The following DMD variants were observed in gnomAD, a reference collection of about 807,000 sequenced individuals.
DMD encodes the protein dystrophin.
In DMD, 63 loss-of-function variants were observed where a neutral mutation model predicts 330.1. That is an observed-to-expected ratio of 0.19 (90% CI 0.16 to 0.24). The LOEUF (loss-of-function observed/expected upper bound fraction) is 0.24. DMD is among the 10% of genes least tolerant of loss of function. The pLI is 1.00. For missense variants in DMD, 3,344 were observed against 2,684.1 expected, an observed-to-expected ratio of 1.25 and a Z score of -5.43; for synonymous variants, 1,223 against 959.8, an observed-to-expected ratio of 1.27 and a Z score of -5.07.
At chrX:31,509,824 A>G (rs759994378) in intron 55 of DMD, among the ~76,000 whole-genome samples, 3 of 112,345 alleles carry the variant, frequency 2.7e-5, no homozygotes, top group Non-Finnish European at 5.6e-5. Flanking sequence ...TAGTTTTAGC[A>G]CTTTGGGAAA....
chrX:32,317,193 T>C (rs1259716346), intron 41 of DMD, among the ~76,000 whole-genome samples: 1 of 111,600 alleles, frequency 9.0e-6, no homozygotes. Context: ...ATTCATTTTA[T>C]TTCTTTGTGT....
At chrX:31,674,586 G>A (rs886130639) in intron 53 of DMD, among the ~76,000 whole-genome samples, 10 of 111,963 alleles carry the variant, frequency 8.9e-5, no homozygotes, top group African/African-American at 3.2e-4. Context: ...ATGCTGTCAC[G>A]TTTGAAAAGC....
intron 56 of DMD, among the ~76,000 whole-genome samples, chrX:31,498,948 C>G (rs563414738): frequency 2.7e-5 from 3 of 111,799 alleles, no homozygotes; most frequent in African/African-American, 6.5e-5. Flanking sequence ...CATGATAAGC[C>G]TAAGCGACAA....
chrX:31,372,223 G>C (rs753501106), intron 60 of DMD, among the ~76,000 whole-genome samples: 1 of 112,030 alleles, frequency 8.9e-6, no homozygotes, highest in Non-Finnish European at 1.9e-5. Flanking sequence ...ACTGGCAAAA[G>C]TAGTGTTCTT....
chrX:32,310,637 T>C (rs1170435250), intron 41 of DMD, among the ~76,000 whole-genome samples: 1 of 110,924 alleles, frequency 9.0e-6, no homozygotes, highest in Non-Finnish European at 1.9e-5. Flanking sequence ...TTTAAAATTC[T>C]AATTTTCCTG....
chrX:32,695,034 A>C (rs770368573), intron 9 of DMD, among the ~76,000 whole-genome samples: 1 of 112,344 alleles, frequency 8.9e-6, no homozygotes, highest in South Asian at 3.7e-4. Context: ...ATACTTTCAG[A>C]CACAGATTGT....
chrX:31,864,099 T>A (rs1013037770), intron 48 of DMD, among the ~76,000 whole-genome samples: 1 of 111,218 alleles, frequency 9.0e-6, no homozygotes, highest in Non-Finnish European at 1.9e-5. Context: ...AGAAAATAGA[T>A]GTCATCTTTA....
chrX:32,813,032 C>T (rs1226075925), intron 6 of DMD, among the ~76,000 whole-genome samples: 2 of 110,650 alleles, frequency 1.8e-5, no homozygotes, highest in African/African-American at 3.3e-5. Context: ...CTTATGCATT[C>T]GTGCTGTATT....
intron 75 of DMD, 51 bp from the exon 76 acceptor site, chrX:31,146,465 T>C: frequency 8.6e-7 from 1 of 1,157,332 alleles, no homozygotes; most frequent in Non-Finnish European, 1.2e-6. Flanking sequence ...AACATACAAA[T>C]GTATAAATTT....
At chrX:33,328,794 C>A (rs2054126880) in intron 1 of DMD, among the ~76,000 whole-genome samples, 1 of 111,409 alleles carries the variant, frequency 9.0e-6, no homozygotes, top group African/African-American at 3.3e-5. Context: ...ATGACAATTT[C>A]TCTATAAGTC....
At chrX:32,693,407 A>C (rs1191143641) in intron 9 of DMD, among the ~76,000 whole-genome samples, 1 of 112,047 alleles carries the variant, frequency 8.9e-6, no homozygotes, top group Non-Finnish European at 1.9e-5. Flanking sequence ...GGTTAATTTA[A>C]AAGAAGTATG....
rs183396240 is a variant in DMD at position 32,848,891 on chromosome X, G to A, written c.186+837C>T. ...TATACCGAGAAAAGAGTGGCTTAGC[G>A]TTAAGTGTTACAGGAGGCAGGCTGG... On this transcript the variant is annotated intron_variant, in intron 3 of 78. Coordinates refer to ENST00000357033, the MANE Select transcript of DMD (RefSeq NM_004006.3). 1.2e-3 allele frequency among the ~76,000 whole-genome samples: 129 copies of A among 110,852 alleles called. 1 individual carries two copies. Among genetic ancestry groups the A allele is most frequent in the Middle Eastern group, 9.2e-3 (2 of 217 alleles).
At chrX:32,770,841 T>C (rs774405032) in intron 7 of DMD, among the ~76,000 whole-genome samples, 24 of 111,762 alleles carry the variant, frequency 2.1e-4, no homozygotes, top group Non-Finnish European at 4.0e-4. Flanking sequence ...GCAAGTCCTA[T>C]AAAGAAAAAT....
At chrX:32,320,591 A>T (rs1479229046) in intron 41 of DMD, among the ~76,000 whole-genome samples, 1 of 111,269 alleles carries the variant, frequency 9.0e-6, no homozygotes, top group Non-Finnish European at 1.9e-5. Flanking sequence ...TTATTTATAG[A>T]AAAGGTTAAT....
intron 74 of DMD, among the ~76,000 whole-genome samples, chrX:31,164,473 A>G (rs1226015132): frequency 9.0e-6 from 1 of 111,589 alleles, no homozygotes; most frequent in Non-Finnish European, 1.9e-5. Context: ...CCAGCTGCAA[A>G]TAACTACTAT....
chrX:31,963,569 A>G (rs1198636902), intron 45 of DMD, among the ~76,000 whole-genome samples: 2 of 110,949 alleles, frequency 1.8e-5, no homozygotes, highest in Non-Finnish European at 1.9e-5. Context: ...AGGGGCTACT[A>G]CCCAGATGTA....
intron 50 of DMD, among the ~76,000 whole-genome samples, chrX:31,786,583 G>C (rs974620386): frequency 1.8e-5 from 2 of 111,298 alleles, no homozygotes; most frequent in African/African-American, 6.5e-5. Context: ...TCTCTGTAGT[G>C]GATACTGTAA....
chrX:32,544,156 A>G (rs2048747554), intron 17 of DMD, among the ~76,000 whole-genome samples: 1 of 112,164 alleles, frequency 8.9e-6, no homozygotes, highest in Middle Eastern at 4.6e-3. Context: ...AGCCAAGCTG[A>G]CACAACCAGG....
At chrX:32,899,679 AAAAAAAAAAAGAAAG>A (rs1265597436) in intron 2 of DMD, among the ~76,000 whole-genome samples, 7 of 109,959 alleles carry the variant, frequency 6.4e-5, no homozygotes, top group African/African-American at 2.3e-4. Flanking sequence ...GTCTCAAAAA[AAAAAAAAAAAGAAAG>A]AAAAAGAAAA....
Sources: allele counts gnomAD v4.1 joint callset (sites outside exome capture counted in the v4.1 genomes callset), GRCh38; gene constraint gnomAD v4.1.1; transcripts MANE v1.5; gene names NCBI Gene and HGNC (gene_info 2026-07-23, HGNC 2026-07-21).